Variants in THSD4 observed in about 807,000 individuals in gnomAD.
The protein encoded by THSD4 is thrombospondin type-1 domain-containing protein 4.
A neutral mutation model predicts 119.0 loss-of-function variants in THSD4; 69 were observed. The observed-to-expected ratio is 0.58, with a 90% CI of 0.48 to 0.71. The LOEUF (loss-of-function observed/expected upper bound fraction) is 0.71, where lower values mean the gene tolerates loss of function less well. Among genes scored for constraint, THSD4 ranks in the 30% least tolerant of loss-of-function variants. THSD4 has a pLI of 0.00. For synonymous variants in THSD4, 524 were observed against 540.4 expected (o/e 0.97, Z 0.42); for missense variants, 1,393 against 1,391.1 (o/e 1.00, Z -0.02).
intron 7 of THSD4, among the ~76,000 whole-genome samples, chr15:71,554,191 G>A (rs1192358706): frequency 2.0e-5 from 3 of 147,950 alleles, no homozygotes; most frequent in South Asian, 2.3e-4. Context: ...CTGGGTTCAC[G>A]CCATTCTCCT....
intron 3 of THSD4, among the ~76,000 whole-genome samples, chr15:71,171,549 T>TTTC (rs918227633): frequency 6.6e-6 from 1 of 152,110 alleles, no homozygotes; most frequent in Non-Finnish European, 1.5e-5. Context: ...AGATATCAGG[T>TTTC]GGAAATATGG....
At chr15:71,732,012 ATC>A (rs1296334697) in intron 10 of THSD4, 2 of 151,576 alleles carry the variant, frequency 1.3e-5, no homozygotes, top group African/African-American at 2.4e-5. Context: ...GCACTTTCAA[ATC>A]TCTCTCTGAC....
intron 7 of THSD4, among the ~76,000 whole-genome samples, chr15:71,660,029 A>G (rs1055890765): frequency 5.8e-5 from 8 of 136,754 alleles, no homozygotes; most frequent in Non-Finnish European, 1.3e-4. Context: ...CACAGTTACC[A>G]GTTAGAGGTT....
intron 8 of THSD4, among the ~76,000 whole-genome samples, chr15:71,726,624 A>G (rs1312860853): frequency 6.6e-6 from 1 of 152,198 alleles, no homozygotes; most frequent in South Asian, 2.1e-4. Flanking sequence ...TCACAGGTCC[A>G]CTATGTACAT....
chr15:71,460,406 T>TCCTCCC (rs1196470029), intron 7 of THSD4, among the ~76,000 whole-genome samples: 2 of 151,376 alleles, frequency 1.3e-5, no homozygotes, highest in Non-Finnish European at 2.9e-5. Context: ...ATCATGCCTG[T>TCCTCCC]CCTCCCCAAA....
intron 6 of THSD4, among the ~76,000 whole-genome samples, chr15:71,368,716 T>G (rs79996005): frequency 2.6e-5 from 4 of 152,032 alleles, no homozygotes; most frequent in Non-Finnish European, 4.4e-5. Context: ...AGTCAGGTAG[T>G]GTGATGCCTC....
At chr15:71,565,988 T>C (rs973085961) in intron 7 of THSD4, among the ~76,000 whole-genome samples, 1 of 152,018 alleles carries the variant, frequency 6.6e-6, no homozygotes, top group African/African-American at 2.4e-5. Context: ...TGAAACCAAC[T>C]AAAGACCTGA....
At chr15:71,771,888 G>T (rs2053829169) in intron 17 of THSD4, among the ~76,000 whole-genome samples, 1 of 152,210 alleles carries the variant, frequency 6.6e-6, no homozygotes, top group Non-Finnish European at 1.5e-5. Flanking sequence ...TGAGGAAGGG[G>T]CCCATCCCAG....
intron 7 of THSD4, among the ~76,000 whole-genome samples, chr15:71,622,062 C>T (rs1009742360): frequency 6.6e-6 from 1 of 152,104 alleles, no homozygotes; most frequent in Non-Finnish European, 1.5e-5. Flanking sequence ...CTTGGAGGAG[C>T]TGTTTAGAAA....
rs780643012 is a variant in THSD4, at chr15:71,131,988, C to T, written c.-79-9461C>T. Among the ~76,000 whole-genome samples, 3 of 152,168 alleles carry T rather than the reference C, an allele frequency of 2.0e-5. No individual in the cohort carries two copies. The East Asian group carries it at 5.8e-4, about 29-fold the overall frequency. On this transcript the variant is annotated intron_variant, in intron 1 of 17. Coordinates refer to ENST00000261862, the MANE Select transcript of THSD4 (RefSeq NM_024817.3). ...AACCTGCATCAGATAGTGACTTGAG[C>T]AAAAATCCTTTTACTATGTTAAGCC...
intron 7 of THSD4, among the ~76,000 whole-genome samples, chr15:71,633,010 G>A (rs148922374): frequency 1.2e-4 from 19 of 152,230 alleles, no homozygotes; most frequent in Non-Finnish European, 2.5e-4. Flanking sequence ...CAGCTTACCC[G>A]ACAGCTTGCC....
At chr15:71,452,243 G>A (rs779723061) in intron 7 of THSD4, among the ~76,000 whole-genome samples, 5 of 152,078 alleles carry the variant, frequency 3.3e-5, no homozygotes, top group Admixed American at 6.5e-5. Flanking sequence ...GTCCTGTGTT[G>A]CTGGGGTCAC....
intron 10 of THSD4, among the ~76,000 whole-genome samples, chr15:71,735,259 C>T (rs1306551998): frequency 6.6e-6 from 1 of 152,178 alleles, no homozygotes; most frequent in East Asian, 1.9e-4. Context: ...GGCTCTGCTC[C>T]TTCCAGTCTG....
At chr15:71,170,300 C>T (rs2043344672) in intron 3 of THSD4, among the ~76,000 whole-genome samples, 1 of 152,162 alleles carries the variant, frequency 6.6e-6, no homozygotes, top group Non-Finnish European at 1.5e-5. Context: ...TACTGATCAG[C>T]ACACACATTT....
At chr15:71,535,288 A>G (rs528547911) in intron 7 of THSD4, among the ~76,000 whole-genome samples, 1 of 152,320 alleles carries the variant, frequency 6.6e-6, no homozygotes, top group African/African-American at 2.4e-5. Flanking sequence ...AGGATCATCC[A>G]TTTTGTAGCA....
chr15:71,407,258 C>A (rs2046621409), intron 6 of THSD4, among the ~76,000 whole-genome samples: 1 of 152,074 alleles, frequency 6.6e-6, no homozygotes, highest in Admixed American at 6.5e-5. Flanking sequence ...CTGCTTTCTC[C>A]CCCATTTCCA....
intron 7 of THSD4, among the ~76,000 whole-genome samples, chr15:71,458,224 C>T (rs2047367082): frequency 6.6e-6 from 1 of 152,080 alleles, no homozygotes; most frequent in African/African-American, 2.4e-5. Flanking sequence ...AATTTGGTGA[C>T]TTGCCAAAAA....
At chr15:71,471,799 A>G (rs966728342) in intron 7 of THSD4, among the ~76,000 whole-genome samples, 1 of 152,092 alleles carries the variant, frequency 6.6e-6, no homozygotes, top group East Asian at 1.9e-4. Context: ...TGCTCAATCA[A>G]CACTGGCTAT....
At chr15:71,490,969 G>C (rs77111062) in intron 7 of THSD4, among the ~76,000 whole-genome samples, 2 of 152,036 alleles carry the variant, frequency 1.3e-5, no homozygotes, top group African/African-American at 2.4e-5. Context: ...TTAATAGAAA[G>C]GGTTTCCAAA....
Sources: gnomAD v4.1 joint callset for allele counts (sites outside exome capture counted in the v4.1 genomes callset) on GRCh38, gnomAD v4.1.1 for gene constraint, MANE v1.5 for transcripts, NCBI Gene and HGNC (gene_info 2026-07-23, HGNC 2026-07-21) for gene names.